The following CHST9 variants were observed in gnomAD, a reference collection of about 807,000 sequenced individuals.
CHST9 encodes the protein GalNAc-4-sulfotransferase 2.
CHST9 carries 41 observed loss-of-function variants against 44.4 expected under a neutral mutation model. That is an observed-to-expected ratio of 0.92 (90% CI 0.72 to 1.20). CHST9 has a LOEUF of 1.20. Among genes scored for constraint, CHST9 ranks in the 50% most tolerant of loss-of-function variants. CHST9 has a pLI of 0.00. For missense variants in CHST9, 504 were observed against 516.5 expected, an observed-to-expected ratio of 0.98 and a Z score of 0.23; for synonymous variants, 171 against 178.4, an observed-to-expected ratio of 0.96 and a Z score of 0.33.
intron 4 of CHST9, among the ~76,000 whole-genome samples, chr18:26,981,526 A>G (rs1215631985): frequency 1.3e-5 from 2 of 152,222 alleles, no homozygotes; most frequent in Non-Finnish European, 2.9e-5. Flanking sequence ...GAGAATGAAC[A>G]GTAAGTTCGT....
chr18:27,143,173 T>C lies in CHST9; in HGVS notation c.-96-268A>G, dbSNP rs148964989. ...GTCTGGCCAGACTTAAGTCCTCCTG[T>C]ATTGTAAAGTGTAAAGTAAGGTTTG... is the stretch of plus-strand genomic sequence containing the variant. On this transcript the variant is annotated intron_variant, in intron 1 of 5. Transcript: ENST00000618847. 978 of 154,634 alleles carry C rather than the reference T, an allele frequency of 6.3e-3. 10 individuals carry two copies. The highest frequency in any genetic ancestry group is 0.01 in the Non-Finnish European group (725 of 69,666). 9.6% of individuals were successfully genotyped at this position (154,634 alleles called of 1,614,324 possible). A position where few individuals can be genotyped will look rare whatever the true frequency, so the allele number is the denominator to read the frequency against.
chr18:27,081,260 T>C (rs1178067865), intron 2 of CHST9, among the ~76,000 whole-genome samples: 1 of 152,178 alleles, frequency 6.6e-6, no homozygotes, highest in Non-Finnish European at 1.5e-5. Context: ...GTGGGATCAT[T>C]TGAGCCCAGG....
At chr18:27,127,715 C>A (rs1367407686) in intron 2 of CHST9, among the ~76,000 whole-genome samples, 1 of 152,008 alleles carries the variant, frequency 6.6e-6, no homozygotes, top group Admixed American at 6.6e-5. Flanking sequence ...CAGAAAGAGA[C>A]GATGATACAG....
chr18:27,180,975 T>TA lies in CHST9; in HGVS notation c.-97+4160dup, dbSNP rs199548542. 9.1e-3 allele frequency among the ~76,000 whole-genome samples: 1,370 copies of TA among 150,872 alleles called. 14 individuals carry two copies. Among genetic ancestry groups the TA allele is most frequent in the African/African-American group, 0.032 (1,314 of 41,186 alleles). ...CTTACAAAAAATGAAAATGTTTCCT[T>TA]AAAAAAAAAGCATCCCTACACTTTA... On this transcript the variant is annotated intron_variant, in intron 1 of 5. Transcript: ENST00000618847.
At chr18:26,993,488 C>G (rs1598622037) in intron 4 of CHST9, among the ~76,000 whole-genome samples, 1 of 152,042 alleles carries the variant, frequency 6.6e-6, no homozygotes, top group East Asian at 1.9e-4. Context: ...TTTTATACTA[C>G]CAACATAGAG....
Position 26,910,223 on chromosome 18 carries a change from A to C in CHST9, c.*6036T>G, listed in dbSNP as rs777099602. 2 of 152,192 alleles carry C rather than the reference A, an allele frequency of 1.3e-5. No individual in the cohort carries two copies. The highest frequency in any genetic ancestry group is 2.9e-5 in the Non-Finnish European group (2 of 68,030). The allele number at this position is 152,192 out of a possible 1,614,324, so 9.4% of individuals were successfully genotyped here. ...ACATCTTTGTCATTGGTCAAAAGAG[A>C]CTTCCCCAAACAATGAAATACTGTT... On this transcript the variant is annotated 3_prime_UTR_variant, in exon 6 of 6. Coordinates refer to ENST00000618847, the MANE Select transcript of CHST9 (RefSeq NM_031422.6).
At chr18:26,980,480 T>G (rs1448941675) in intron 4 of CHST9, among the ~76,000 whole-genome samples, 4 of 152,164 alleles carry the variant, frequency 2.6e-5, no homozygotes, top group African/African-American at 9.6e-5. Flanking sequence ...CTCTGGAAAC[T>G]TTGACAGAAT....
chr18:27,012,162 C>A (rs577722402), intron 4 of CHST9, among the ~76,000 whole-genome samples: 1 of 152,102 alleles, frequency 6.6e-6, no homozygotes, highest in African/African-American at 2.4e-5. Context: ...AATTTATGTA[C>A]TGTTGACCCT....
chr18:27,071,004 G>A (rs1211143334), intron 2 of CHST9, among the ~76,000 whole-genome samples: 1 of 152,126 alleles, frequency 6.6e-6, no homozygotes, highest in African/African-American at 2.4e-5. Flanking sequence ...GTTCCCATGA[G>A]TCTCCCTCTC....
At chr18:27,155,134 A>G (rs564572899) in intron 1 of CHST9, among the ~76,000 whole-genome samples, 13 of 151,592 alleles carry the variant, frequency 8.6e-5, no homozygotes, top group Non-Finnish European at 2.9e-5. Flanking sequence ...CTTCAGTTAC[A>G]TCTAAATTGG....
intron 4 of CHST9, among the ~76,000 whole-genome samples, chr18:26,976,257 C>T (rs955375480): frequency 6.6e-6 from 1 of 152,056 alleles, no homozygotes; most frequent in African/African-American, 2.4e-5. Flanking sequence ...AGTAATCTGA[C>T]TCTCTCCCTG....
chr18:27,026,702 A>G (rs2057288769), intron 3 of CHST9, among the ~76,000 whole-genome samples: 1 of 152,180 alleles, frequency 6.6e-6, no homozygotes, highest in Non-Finnish European at 1.5e-5. Flanking sequence ...ATATTCTTCC[A>G]TGGTTAACTG....
rs187687072 is a variant in CHST9, at chr18:26,986,902, A to G, written c.202+37214T>C. On this transcript the variant is annotated intron_variant, in intron 4 of 5. Transcript: ENST00000618847. ...ATATAAAAATTGAAATAATTTATAG[A>G]AAAATAAAAAGGATTTCTTTAGGCA... 3.2e-4 allele frequency among the ~76,000 whole-genome samples: 49 copies of G among 152,352 alleles called. No homozygotes were observed. The East Asian group carries it at 8.3e-3, about 26-fold the overall frequency.
chr18:27,082,982 TAGAC>T (rs2143687115), intron 2 of CHST9, among the ~76,000 whole-genome samples: 1 of 152,282 alleles, frequency 6.6e-6, no homozygotes, highest in East Asian at 1.9e-4. Flanking sequence ...GATCTTATGT[TAGAC>T]AGGTTATTAA....
At chr18:27,118,662 A>G (rs187061099) in intron 2 of CHST9, among the ~76,000 whole-genome samples, 1 of 152,236 alleles carries the variant, frequency 6.6e-6, no homozygotes, top group East Asian at 1.9e-4. Context: ...GGCTCTGGAG[A>G]AGGCATCCCA....
intron 2 of CHST9, among the ~76,000 whole-genome samples, chr18:27,104,890 G>A (rs1354772716): frequency 6.6e-6 from 1 of 152,120 alleles, no homozygotes; most frequent in Non-Finnish European, 1.5e-5. Context: ...GAAGCAGGAT[G>A]CCTCTTTAGT....
rs919326995 is a variant in CHST9, at chr18:27,027,527, T to A, written c.161-3370A>T. Among the ~76,000 whole-genome samples the A allele has an allele frequency of 1.1e-4, 16 of 152,246 alleles. 1 individual carries two copies. ...TGGTCTCACCTTGCCTTTTGTTTTATCTTTTCTTTTAAAATCGCCTGGATG... is the reference window on the plus strand; with the variant it reads ...TGGTCTCACCTTGCCTTTTGTTTTAACTTTTCTTTTAAAATCGCCTGGATG... On this transcript the variant is annotated intron_variant, in intron 3 of 5. Transcript: ENST00000618847.
In CHST9 at chr18:27,142,572, T is replaced by C. The variant is rs1240498361; in HGVS notation, c.121+117A>G. 4 of 730,098 alleles carry C rather than the reference T, an allele frequency of 5.5e-6. No individual in the cohort carries two copies. The African/African-American group carries it at 5.5e-5, about 10-fold the overall frequency. The allele number at this position is 730,098 out of a possible 1,614,324, so 45.2% of individuals were successfully genotyped here. On this transcript the variant is annotated intron_variant, in intron 2 of 5. Coordinates refer to ENST00000618847, the MANE Select transcript of CHST9 (RefSeq NM_031422.6). ...GCTGGGAATTTTATCTTATGACTCA[T>C]TTTTTGTTGTTGAAAATATTGTGAT...
At chr18:26,969,165 A>T (rs566674981) in intron 4 of CHST9, among the ~76,000 whole-genome samples, 2 of 151,752 alleles carry the variant, frequency 1.3e-5, no homozygotes, top group East Asian at 3.9e-4. Context: ...TGCCTGGCTA[A>T]TTTATTTTTT....
Sources: gnomAD v4.1 joint callset for allele counts (sites outside exome capture counted in the v4.1 genomes callset) on GRCh38, gnomAD v4.1.1 for gene constraint, MANE v1.5 for transcripts, NCBI Gene and HGNC (gene_info 2026-07-23, HGNC 2026-07-21) for gene names.